The following GALNT7 variants were observed in gnomAD, a reference collection of about 807,000 sequenced individuals.
GALNT7 encodes the protein polypeptide N-acetylgalactosaminyltransferase 7.
Under a neutral mutation model 82.1 loss-of-function variants are expected in GALNT7, and 60 were observed. The ratio of observed to expected loss-of-function variants is 0.73; its 90% CI spans 0.59 to 0.91. The LOEUF (loss-of-function observed/expected upper bound fraction) is 0.91. GALNT7 is among the 40% of genes least tolerant of loss of function. The pLI is 0.00. For synonymous variants in GALNT7, 243 were observed against 275.1 expected (o/e 0.88, Z 1.15); for missense variants, 660 against 804.2 (o/e 0.82, Z 2.17).
rs376954079 is a variant in GALNT7, at chr4:173,255,990, C to A, written c.587+7550C>A. Among the ~76,000 whole-genome samples, 7 of 152,126 alleles carry A rather than the reference C, an allele frequency of 4.6e-5. No homozygotes were observed. The East Asian group carries it at 1.2e-3, about 25-fold the overall frequency. On this transcript the variant is annotated intron_variant, in intron 2 of 11. Transcript: ENST00000265000. ...GGTAAATAGGGAAATTATATCAATTCAGTGTGTAAGTTTTTGTGGTTCATA... is the reference window on the plus strand; with the variant it reads ...GGTAAATAGGGAAATTATATCAATTAAGTGTGTAAGTTTTTGTGGTTCATA...
intron 1 of GALNT7, chr4:173,169,243 G>C (rs1310565478): frequency 1.3e-5 from 2 of 148,248 alleles, no homozygotes; most frequent in African/African-American, 4.9e-5. Flanking sequence ...TCGGGCGGCC[G>C]CTCTCCGCGC....
intron 1 of GALNT7, among the ~76,000 whole-genome samples, chr4:173,181,365 C>G (rs1275226720): frequency 6.6e-6 from 1 of 152,072 alleles, no homozygotes; most frequent in Admixed American, 6.6e-5. Context: ...GAATGTTTCC[C>G]TTTTAGTGAT....
intron 1 of GALNT7, among the ~76,000 whole-genome samples, chr4:173,228,390 T>A (rs1343988103): frequency 1.3e-5 from 2 of 151,498 alleles, no homozygotes; most frequent in Non-Finnish European, 2.9e-5. Flanking sequence ...TTCTTCAAAC[T>A]AATATTATAT....
Position 173,168,931 on chromosome 4 carries a change from G to A in GALNT7, c.96G>A (p.Pro32=), listed in dbSNP as rs747776934. The A allele has an allele frequency of 3.3e-5, 53 of 1,613,558 alleles. No individual in the cohort carries two copies. Among genetic ancestry groups the A allele is most frequent in the Admixed American group, 8.3e-5 (5 of 59,988 alleles). ...TCTGGTCTTCCCTGACCCCGCGGCC[G>A]GACGACCCAAGCCCGCTGAGCAGGA... ...VVLWSSLTPR[P]DDPSPLSRMR... Residue 32 remains proline, a synonymous_variant, in exon 1 of 12, where the codon CCG becomes CCA. Transcript: ENST00000265000.
At chr4:173,227,906 A>G (rs995088776) in intron 1 of GALNT7, among the ~76,000 whole-genome samples, 2 of 152,098 alleles carry the variant, frequency 1.3e-5, no homozygotes, top group African/African-American at 4.8e-5. Context: ...ATTGCTAGCT[A>G]TGCCGTGTGT....
intron 2 of GALNT7, among the ~76,000 whole-genome samples, chr4:173,267,718 C>T (rs988978454): frequency 1.3e-5 from 2 of 152,168 alleles, no homozygotes; most frequent in African/African-American, 4.8e-5. Flanking sequence ...GAGTGATGAG[C>T]ATGATATTGA....
chr4:173,304,089 A>G lies in GALNT7; in HGVS notation c.1360A>G (p.Ile454Val), dbSNP rs770637602. The change falls in exon 8 of 12, where the codon ATT (isoleucine) becomes GTT (valine). Residue 454 changes from isoleucine (I) to valine (V), a missense_variant. Physicochemically the swap from Ile to Val is conservative, Grantham distance 29 (BLOSUM62 3). This residue lies in a region of GALNT7 where 527 missense variants were observed against 683.5 expected (regional missense o/e 0.77). Transcript: ENST00000265000. ...LEGWQGNPPPIYVGSSPTLKN... is the reference protein window; with the variant it reads ...LEGWQGNPPPVYVGSSPTLKN... ...GGGCTGGCAAGGAAATCCTCCGCCC[A>G]TTTATGTTGGGTCTTCTCCAACTCT... The G allele has an allele frequency of 1.2e-6, 2 of 1,613,552 alleles. No homozygotes were observed. Among genetic ancestry groups the G allele is most frequent in the Non-Finnish European group, 1.7e-6 (2 of 1,179,740 alleles).
chr4:173,193,538 A>G (rs1240867358), intron 1 of GALNT7, among the ~76,000 whole-genome samples: 1 of 152,176 alleles, frequency 6.6e-6, no homozygotes, highest in East Asian at 1.9e-4. Context: ...ATGTTTTTGT[A>G]TAACCGTAAA....
Position 173,231,272 on chromosome 4 carries a change from G to A in GALNT7, c.127-16708G>A, listed in dbSNP as rs372160172. On this transcript the variant is annotated intron_variant, in intron 1 of 11. Transcript: ENST00000265000. ...AAGAATTGGCTTCTTTGGTGTAACT[G>A]GTTGCCAAAGATAGCCTTATAACAT... 3.3e-3 allele frequency among the ~76,000 whole-genome samples: 501 copies of A among 152,240 alleles called. 1 individual carries two copies. Among genetic ancestry groups the A allele is most frequent in the African/African-American group, 0.012 (481 of 41,542 alleles).
intron 1 of GALNT7, among the ~76,000 whole-genome samples, chr4:173,206,027 C>G (rs902466405): frequency 2.0e-5 from 3 of 151,154 alleles, no homozygotes; most frequent in Admixed American, 1.3e-4. Flanking sequence ...ATCCTGGAAC[C>G]TGGAACCTGG....
At chr4:173,207,299 T>G (rs1452113259) in intron 1 of GALNT7, among the ~76,000 whole-genome samples, 1 of 152,154 alleles carries the variant, frequency 6.6e-6, no homozygotes, top group Non-Finnish European at 1.5e-5. Context: ...AAAAATACAT[T>G]TTTTGTGAAA....
chr4:173,219,654 A>G (rs1405303238), intron 1 of GALNT7, among the ~76,000 whole-genome samples: 2 of 152,164 alleles, frequency 1.3e-5, no homozygotes, highest in East Asian at 1.9e-4. Context: ...GCCAATATCT[A>G]TTATTGTTTG....
At chr4:173,294,002 C>T (rs1257927071) in intron 3 of GALNT7, among the ~76,000 whole-genome samples, 1 of 152,126 alleles carries the variant, frequency 6.6e-6, no homozygotes, top group Non-Finnish European at 1.5e-5. Context: ...AATTTTCATC[C>T]GAGGAAGGGC....
At chr4:173,258,723 G>C (rs1260722701) in intron 2 of GALNT7, among the ~76,000 whole-genome samples, 1 of 152,180 alleles carries the variant, frequency 6.6e-6, no homozygotes, top group African/African-American at 2.4e-5. Flanking sequence ...TGCAGGTCAC[G>C]TAACTCGAAG....
rs577691445 is a variant in GALNT7 at position 173,296,866 on chromosome 4, C to T, written c.965+1023C>T. On this transcript the variant is annotated intron_variant, in intron 5 of 11. Transcript: ENST00000265000. ...AATCTGACAATGACCCTCCAGTTCA[C>T]ACTCTGGAGAGAAGGAAGCATCTTT... Among the ~76,000 whole-genome samples, 14 of 152,310 alleles carry T rather than the reference C, an allele frequency of 9.2e-5. No homozygotes were observed. The South Asian group carries it at 2.9e-3, about 32-fold the overall frequency.
At chr4:173,183,733 C>T (rs1335505188) in intron 1 of GALNT7, among the ~76,000 whole-genome samples, 7 of 148,676 alleles carry the variant, frequency 4.7e-5, no homozygotes, top group South Asian at 2.2e-4. Flanking sequence ...GGCGGCCGGG[C>T]GGGGTCTGCC....
chr4:173,256,213 C>T (rs113660543), intron 2 of GALNT7, among the ~76,000 whole-genome samples: 291 of 152,302 alleles, frequency 1.9e-3, no homozygotes, highest in African/African-American at 6.7e-3. Context: ...CTATATTTAG[C>T]TGTCTGAAGA....
In GALNT7 at chr4:173,292,869, A is replaced by T. The variant is rs1470561815; in HGVS notation, c.754+595A>T. On this transcript the variant is annotated intron_variant, in intron 3 of 11. Coordinates refer to ENST00000265000, the MANE Select transcript of GALNT7 (RefSeq NM_017423.3). The surrounding 1 kb of genome is among the most constrained non-coding windows in gnomAD (Gnocchi z 4.8). ...GCCATATCAAATGCCTTTAGAGTAG[A>T]GGCTTTAAGATACTTTAAAACTTTT... Among the ~76,000 whole-genome samples the T allele has an allele frequency of 6.6e-6, 1 of 152,182 alleles. No homozygotes were observed. The highest frequency in any genetic ancestry group is 1.5e-5 in the Non-Finnish European group (1 of 68,008).
chr4:173,303,919 C>T, intron 7 of GALNT7, 77 bp from the exon 8 acceptor site: 1 of 1,193,404 alleles, frequency 8.4e-7, no homozygotes, highest in Non-Finnish European at 1.2e-6. Context: ...TTTAGATTTA[C>T]ACTTACAAGA....
Sources: allele counts gnomAD v4.1 joint callset (sites outside exome capture counted in the v4.1 genomes callset), GRCh38; gene constraint gnomAD v4.1.1; regional missense constraint gnomAD v4.1.1; non-coding constraint Gnocchi (gnomAD v3.1); transcripts MANE v1.5; gene names NCBI Gene and HGNC (gene_info 2026-07-23, HGNC 2026-07-21).